Variants in EYS observed in about 807,000 individuals in gnomAD.
The protein encoded by EYS is EGF-like photoreceptor maintenance factor, also known as protein eyes shut homolog.
Under a neutral mutation model 282.1 loss-of-function variants are expected in EYS, and 250 were observed. That is an observed-to-expected ratio of 0.89 (90% CI 0.80 to 0.98). The LOEUF (loss-of-function observed/expected upper bound fraction) is 0.98. Among genes scored for constraint, EYS ranks in the 50% least tolerant of loss-of-function variants. EYS has a pLI of 0.00. For synonymous variants in EYS, 1,355 were observed against 1,282.9 expected, an observed-to-expected ratio of 1.06 and a Z score of -1.20; for missense variants, 4,016 against 3,709.0, an observed-to-expected ratio of 1.08 and a Z score of -2.15.
At chr6:64,805,836 G>A (rs1764404813) in intron 22 of EYS, among the ~76,000 whole-genome samples, 1 of 151,022 alleles carries the variant, frequency 6.6e-6, no homozygotes, top group South Asian at 2.1e-4. Context: ...AAAATCCCAA[G>A]GAAATTTGAA....
At chr6:63,830,300 G>A (rs1003935284) in intron 36 of EYS, among the ~76,000 whole-genome samples, 17 of 152,034 alleles carry the variant, frequency 1.1e-4, no homozygotes, top group Admixed American at 3.3e-4. Flanking sequence ...CGAACCTATC[G>A]CAAAAAAGTT....
intron 34 of EYS, among the ~76,000 whole-genome samples, chr6:63,993,387 G>A (rs1055309088): frequency 2.0e-5 from 3 of 151,286 alleles, no homozygotes; most frequent in Admixed American, 1.3e-4. Flanking sequence ...TTTGTTCACA[G>A]ATGACCTGAT....
intron 12 of EYS, among the ~76,000 whole-genome samples, chr6:65,274,955 T>C (rs1192552513): frequency 6.6e-6 from 1 of 151,738 alleles, no homozygotes; most frequent in Non-Finnish European, 1.5e-5. Context: ...GTGGCCTCTT[T>C]AGATTTTAGA....
intron 28 of EYS, among the ~76,000 whole-genome samples, chr6:64,408,246 T>C (rs1773786279): frequency 6.6e-6 from 1 of 152,112 alleles, no homozygotes; most frequent in African/African-American, 2.4e-5. Context: ...GTTTGAAACA[T>C]AATGCTTTAT....
chr6:65,168,901 T>C (rs930769066), intron 12 of EYS, among the ~76,000 whole-genome samples: 1 of 151,398 alleles, frequency 6.6e-6, no homozygotes, highest in Non-Finnish European at 1.5e-5. Context: ...AAAGAGATCA[T>C]GGCTGATATC....
chr6:65,373,583 C>A (rs1765244264), intron 8 of EYS, among the ~76,000 whole-genome samples: 1 of 152,020 alleles, frequency 6.6e-6, no homozygotes, highest in Non-Finnish European at 1.5e-5. Flanking sequence ...TGGATAAATA[C>A]ATACAAATAT....
At chr6:65,290,074 T>A (rs77234945) in intron 12 of EYS, among the ~76,000 whole-genome samples, 2,312 of 151,280 alleles carry the variant, frequency 0.015, 68 homozygotes, top group African/African-American at 0.053. Flanking sequence ...TAATTTAATA[T>A]TTTTAGAATA....
At chr6:64,022,989 C>T (rs2149821011) in intron 33 of EYS, among the ~76,000 whole-genome samples, 1 of 152,274 alleles carries the variant, frequency 6.6e-6, no homozygotes, top group East Asian at 1.9e-4. Flanking sequence ...TTCAACAAAC[C>T]ATTATGCAAT....
At chr6:64,971,364 C>T (rs185916272) in intron 14 of EYS, among the ~76,000 whole-genome samples, 5 of 151,718 alleles carry the variant, frequency 3.3e-5, no homozygotes, top group East Asian at 3.9e-4. Context: ...GGACTTAAGG[C>T]GGTAGAGATA....
intron 35 of EYS, among the ~76,000 whole-genome samples, chr6:63,953,611 A>G (rs1765689842): frequency 6.6e-6 from 1 of 152,226 alleles, no homozygotes; most frequent in South Asian, 2.1e-4. Context: ...CTTTAAATAC[A>G]TAGTTTTACC....
At chr6:64,833,077 T>C (rs955788502) in intron 19 of EYS, among the ~76,000 whole-genome samples, 1 of 151,902 alleles carries the variant, frequency 6.6e-6, no homozygotes, top group African/African-American at 2.4e-5. Flanking sequence ...TATGGCTTAT[T>C]ACATATAAAC....
intron 33 of EYS, among the ~76,000 whole-genome samples, chr6:64,009,929 T>A (rs979571317): frequency 6.6e-6 from 1 of 152,146 alleles, no homozygotes; most frequent in African/African-American, 2.4e-5. Context: ...TTTGCTTTTA[T>A]CTTCTTTGAT....
chr6:63,948,698 C>T (rs1034593263), intron 35 of EYS, among the ~76,000 whole-genome samples: 11 of 152,030 alleles, frequency 7.2e-5, no homozygotes, highest in African/African-American at 2.7e-4. Context: ...ACCTTTCAGT[C>T]AAGAGTATTC....
intron 22 of EYS, among the ~76,000 whole-genome samples, chr6:64,647,482 C>G (rs955673351): frequency 2.6e-5 from 4 of 152,058 alleles, no homozygotes; most frequent in African/African-American, 9.7e-5. Flanking sequence ...TACTCAACAA[C>G]TTTATAAACT....
intron 26 of EYS, among the ~76,000 whole-genome samples, chr6:64,561,718 A>G (rs12664313): frequency 0.098 from 14,966 of 152,030 alleles, 915 homozygotes; most frequent in East Asian, 0.17. Context: ...CATGGATAGT[A>G]AGAATCAATA....
At chr6:64,079,404 C>A (rs1480930932) in intron 32 of EYS, among the ~76,000 whole-genome samples, 1 of 151,986 alleles carries the variant, frequency 6.6e-6, no homozygotes, top group African/African-American at 2.4e-5. Context: ...TTCCTAAATG[C>A]TTCTTTTAGG....
intron 26 of EYS, among the ~76,000 whole-genome samples, chr6:64,443,401 G>A (rs1476478855): frequency 6.6e-6 from 1 of 152,166 alleles, no homozygotes; most frequent in Non-Finnish European, 1.5e-5. Context: ...TTGGACTGTG[G>A]ACTTTTGAGT....
At chr6:65,539,554 T>C (rs979538931) in intron 2 of EYS, among the ~76,000 whole-genome samples, 28 of 152,264 alleles carry the variant, frequency 1.8e-4, no homozygotes, top group Admixed American at 1.8e-3. Context: ...ATAATAATAC[T>C]CCGAATCACC....
chr6:64,021,041 A>G, intron 33 of EYS, among the ~76,000 whole-genome samples: 1 of 152,118 alleles, frequency 6.6e-6, no homozygotes, highest in East Asian at 1.9e-4. Flanking sequence ...CATTATTACT[A>G]TAGTCTTCCT....
Sources: allele counts gnomAD v4.1 joint callset (sites outside exome capture counted in the v4.1 genomes callset), GRCh38; gene constraint gnomAD v4.1.1; transcripts MANE v1.5; gene names NCBI Gene and HGNC (gene_info 2026-07-23, HGNC 2026-07-21).